Variants in SLC7A14 observed in about 807,000 individuals in gnomAD.
SLC7A14 encodes solute carrier family 7 member 14, also known as gamma-aminobutyric acid transporter SLC7A14.
Under a neutral mutation model 60.2 loss-of-function variants are expected in SLC7A14, and 37 were observed. That is an observed-to-expected ratio of 0.61 (90% CI 0.47 to 0.81). SLC7A14 has a LOEUF of 0.81. Among genes scored for constraint, SLC7A14 ranks in the 30% least tolerant of loss-of-function variants. The pLI, the probability that SLC7A14 is intolerant of heterozygous loss-of-function variation, is 0.00. For synonymous variants in SLC7A14, 399 were observed against 395.8 expected, an observed-to-expected ratio of 1.01 and a Z score of -0.10; for missense variants, 886 against 982.7, an observed-to-expected ratio of 0.90 and a Z score of 1.32.
chr3:170,585,018 A>C lies in SLC7A14; in HGVS notation c.-153+893T>G, dbSNP rs950779953. 6.6e-6 allele frequency among the ~76,000 whole-genome samples: 1 copy of C among 150,748 alleles called. No individual in the cohort carries two copies. Among genetic ancestry groups the C allele is most frequent in the Non-Finnish European group, 1.5e-5 (1 of 67,754 alleles). On this transcript the variant is annotated intron_variant, in intron 1 of 7. Transcript: ENST00000231706. The surrounding 1 kb of genome is among the most constrained non-coding windows in gnomAD (Gnocchi z 5.1). ...ATCTCTTCTCGCCTTTGCTTTGCTC[A>C]CTCTTCAATCGCAATATAAAATACT... is the stretch of plus-strand genomic sequence containing the variant.
At position 170,543,158 on chromosome 3, in the gene SLC7A14, C is replaced by G. The variant is rs568528861; in HGVS notation, c.-152-16070G>C. Among the ~76,000 whole-genome samples the G allele has an allele frequency of 3.9e-5, 6 of 152,270 alleles. No individual in the cohort carries two copies. The South Asian group carries it at 1.0e-3, about 26-fold the overall frequency. ...GGTTGACCTGTCTGAGACAGTCACT[C>G]TCTCAGATCTGAAGCTCAGGTTGAT... On this transcript the variant is annotated intron_variant, in intron 1 of 7. Transcript: ENST00000231706.
chr3:170,499,210 C>CT (rs1341491885), intron 3 of SLC7A14, among the ~76,000 whole-genome samples: 1 of 130,068 alleles, frequency 7.7e-6, no homozygotes, highest in African/African-American at 3.2e-5. Flanking sequence ...GCACTCCAGC[C>CT]TGGGGGACAG....
At chr3:170,516,422 G>C (rs1298864805) in intron 2 of SLC7A14, among the ~76,000 whole-genome samples, 1 of 151,892 alleles carries the variant, frequency 6.6e-6, no homozygotes, top group African/African-American at 2.4e-5. Context: ...TCTTTGGTGA[G>C]TTTTTAAATT....
intron 7 of SLC7A14, among the ~76,000 whole-genome samples, chr3:170,469,991 A>G (rs960541906): frequency 6.6e-6 from 1 of 152,082 alleles, no homozygotes; most frequent in Non-Finnish European, 1.5e-5. Flanking sequence ...AGATAGATTC[A>G]TATTATGGGA....
chr3:170,533,751 G>A (rs551801747), intron 1 of SLC7A14, among the ~76,000 whole-genome samples: 1 of 152,258 alleles, frequency 6.6e-6, no homozygotes, highest in East Asian at 1.9e-4. Flanking sequence ...GTTGGTGCCT[G>A]ACAAATTCAC....
chr3:170,476,732 A>T (rs1410874435), intron 7 of SLC7A14: 3 of 152,232 alleles, frequency 2.0e-5, no homozygotes, highest in African/African-American at 7.2e-5. Context: ...CCAAAGAATA[A>T]CCAGGTCAAG....
intron 1 of SLC7A14, among the ~76,000 whole-genome samples, chr3:170,582,067 G>A (rs940090431): frequency 6.6e-6 from 1 of 152,132 alleles, no homozygotes; most frequent in Non-Finnish European, 1.5e-5. Context: ...TAGTAACATA[G>A]AATTCATATG....
At chr3:170,543,648 GA>G (rs939660893) in intron 1 of SLC7A14, among the ~76,000 whole-genome samples, 1 of 148,084 alleles carries the variant, frequency 6.8e-6, no homozygotes, top group Admixed American at 6.7e-5. Context: ...CATCTCAAAA[GA>G]AAAAAAACAA....
chr3:170,497,829 T>C (rs1308422446), intron 4 of SLC7A14, among the ~76,000 whole-genome samples: 2 of 152,252 alleles, frequency 1.3e-5, no homozygotes, highest in African/African-American at 4.8e-5. Flanking sequence ...TATTTTTCTC[T>C]AGCATAAACC....
At position 170,463,232 on chromosome 3, in the gene SLC7A14, C is replaced by G. The variant is rs1739643447; in HGVS notation, c.*3823G>C. 6.6e-6 allele frequency: 1 copy of G among 152,214 alleles called. No individual in the cohort carries two copies. Among genetic ancestry groups the G allele is most frequent in the African/African-American group, 2.4e-5 (1 of 41,458 alleles). The allele number at this position is 152,214 out of a possible 1,614,324, so 9.4% of individuals were successfully genotyped here. On this transcript the variant is annotated 3_prime_UTR_variant, in exon 8 of 8. Coordinates refer to ENST00000231706, the MANE Select transcript of SLC7A14 (RefSeq NM_020949.3). ...AAATCATGTGCTCCAGGCAAACTAG[C>G]TCCTTGCTTTCTCTTAATGGAGGCA...
In SLC7A14 at chr3:170,495,717, G is replaced by A. The variant is rs1712368982; in HGVS notation, c.759+2950C>T. 7.2e-6 allele frequency: 8 copies of A among 1,116,972 alleles called. No homozygotes were observed. In the South Asian group the frequency reaches 9.9e-5, roughly 14 times the overall value. 69.2% of individuals were successfully genotyped at this position (1,116,972 alleles called of 1,614,324 possible). A position where few individuals can be genotyped will look rare whatever the true frequency, so the allele number is the denominator to read the frequency against. ...CCAGGCCATGCACACCCAGGAGAAG[G>A]AGCAGATCAAGACCCTCAACAACAA... On this transcript the variant is annotated intron_variant, in intron 4 of 7. Transcript: ENST00000231706.
intron 7 of SLC7A14, among the ~76,000 whole-genome samples, chr3:170,472,531 G>A (rs1376173865): frequency 2.6e-5 from 4 of 151,968 alleles, no homozygotes; most frequent in South Asian, 2.1e-4. Flanking sequence ...TTTGGGAGGC[G>A]GAGGTGGGTG....
In SLC7A14 at chr3:170,483,462, T is replaced by C; in HGVS notation, c.967A>G (p.Met323Val). 1 of 1,614,106 alleles carries C rather than the reference T, an allele frequency of 6.2e-7. No homozygotes were observed. Among genetic ancestry groups the C allele is most frequent in the Non-Finnish European group, 8.5e-7 (1 of 1,180,022 alleles). Residue 323 changes from methionine (M) to valine (V), a missense_variant, in exon 6 of 8, where the codon ATG (methionine) becomes GTG (valine). Physicochemically the swap from Met to Val is conservative, Grantham distance 21. Coordinates refer to ENST00000231706, the MANE Select transcript of SLC7A14 (RefSeq NM_020949.3). ...AACCCATGAGCCACAAACATCTCCA[T>C]GAGTGGGGATTCCGTGTCAATGGTA... ...YYTIDTESPL[M>V]EMFVAHGFYA...
At chr3:170,551,257 C>G (rs1397300599) in intron 1 of SLC7A14, among the ~76,000 whole-genome samples, 1 of 152,182 alleles carries the variant, frequency 6.6e-6, no homozygotes, top group African/African-American at 2.4e-5. Flanking sequence ...AATAATATCC[C>G]ATTATATGGC....
intron 1 of SLC7A14, among the ~76,000 whole-genome samples, chr3:170,563,929 A>ATT (rs1714728078): frequency 6.6e-6 from 1 of 152,168 alleles, no homozygotes; most frequent in Non-Finnish European, 1.5e-5. Flanking sequence ...AATCCTGGTG[A>ATT]TTTCTTTTAT....
intron 1 of SLC7A14, among the ~76,000 whole-genome samples, chr3:170,553,385 A>C (rs558472148): frequency 6.6e-6 from 1 of 152,344 alleles, no homozygotes; most frequent in East Asian, 1.9e-4. Context: ...TATACTACAT[A>C]TGCCCTTATT....
chr3:170,575,702 C>A (rs570546623), intron 1 of SLC7A14, among the ~76,000 whole-genome samples: 13 of 152,154 alleles, frequency 8.5e-5, no homozygotes, highest in Non-Finnish European at 1.9e-4. Flanking sequence ...TATACTGCCA[C>A]AAATTTACTA....
intron 1 of SLC7A14, among the ~76,000 whole-genome samples, chr3:170,577,619 C>T (rs1419321276): frequency 9.1e-5 from 11 of 121,080 alleles, no homozygotes; most frequent in East Asian, 9.0e-4. Context: ...AGCGAGACTC[C>T]GTCTCAAAAA....
chr3:170,526,968 C>T lies in SLC7A14; in HGVS notation c.-32G>A, dbSNP rs1440755080. On this transcript the variant is annotated 5_prime_UTR_variant, in exon 2 of 8. Transcript: ENST00000231706. ...CGATAGGGGATGCAGTGAAGGTCAGCTGATGGAAGGGGGCTACAAAGCCTT... is the reference window on the plus strand; with the variant it reads ...CGATAGGGGATGCAGTGAAGGTCAGTTGATGGAAGGGGGCTACAAAGCCTT... 1.9e-6 allele frequency: 3 copies of T among 1,590,498 alleles called. No homozygotes were observed. The highest frequency in any genetic ancestry group is 2.3e-5 in the South Asian group (2 of 87,222).
Sources: gnomAD v4.1 joint callset for allele counts (sites outside exome capture counted in the v4.1 genomes callset) on GRCh38, gnomAD v4.1.1 for gene constraint, Gnocchi (gnomAD v3.1) non-coding constraint, MANE v1.5 for transcripts, NCBI Gene and HGNC (gene_info 2026-07-23, HGNC 2026-07-21) for gene names.